The following KIRREL3 variants were observed in gnomAD, a reference collection of about 807,000 sequenced individuals.
The protein encoded by KIRREL3 is kirre like nephrin family adhesion molecule 3.
KIRREL3 carries 36 observed loss-of-function variants against 89.7 expected under a neutral mutation model. That is an observed-to-expected ratio of 0.40 (90% CI 0.31 to 0.53). The LOEUF is 0.53. Ranked by LOEUF, KIRREL3 falls within the 20% of genes least tolerant of loss-of-function variation. KIRREL3 has a pLI of 0.49. For synonymous variants in KIRREL3, 445 were observed against 441.4 expected (o/e 1.01, Z -0.10); for missense variants, 864 against 1,056.6 (o/e 0.82, Z 2.53).
In KIRREL3 at chr11:126,983,924, C is replaced by A. The variant is rs1949782561; in HGVS notation, c.55+16531G>T. Among the ~76,000 whole-genome samples the A allele has an allele frequency of 6.6e-6, 1 of 152,104 alleles. No homozygotes were observed. The highest frequency in any genetic ancestry group is 1.5e-5 in the Non-Finnish European group (1 of 68,032). On this transcript the variant is annotated intron_variant, in intron 1 of 16. Coordinates refer to ENST00000525144, the MANE Select transcript of KIRREL3 (RefSeq NM_032531.4). The surrounding 1 kb of genome is among the most constrained non-coding windows in gnomAD (Gnocchi z 4.9). ...ATAATATGATTAACTATTTTTACTT[C>A]TCCCAAAAGTAGTACATATCTAGTA...
In KIRREL3 at chr11:126,601,652, A is replaced by G. The variant is rs1041345375; in HGVS notation, c.56-38740T>C. ...GAGAGAACCAGAGAAAGGAGGCCTC[A>G]CAGTGTCCTGGCCCCCTCTGCCCAC... On this transcript the variant is annotated intron_variant, in intron 1 of 16. Coordinates refer to ENST00000525144, the MANE Select transcript of KIRREL3 (RefSeq NM_032531.4). The surrounding 1 kb of genome is among the most constrained non-coding windows in gnomAD (Gnocchi z 5.8). Among the ~76,000 whole-genome samples the G allele has an allele frequency of 4.6e-5, 7 of 152,248 alleles. No individual in the cohort carries two copies. The highest frequency in any genetic ancestry group is 1.7e-4 in the African/African-American group (7 of 41,546).
At position 126,785,620 on chromosome 11, in the gene KIRREL3, G is replaced by A. The variant is rs377146464; in HGVS notation, c.55+214835C>T. Among the ~76,000 whole-genome samples, 116 of 152,264 alleles carry A rather than the reference G, an allele frequency of 7.6e-4. 1 individual carries two copies. The highest frequency in any genetic ancestry group is 2.6e-3 in the African/African-American group (107 of 41,552). On this transcript the variant is annotated intron_variant, in intron 1 of 16. Coordinates refer to ENST00000525144, the MANE Select transcript of KIRREL3 (RefSeq NM_032531.4). ...AGGCCAGGTGCAGTGGCTCATGCCT[G>A]TAATCCCAGCACTTCGGGAGGCTGA...
chr11:126,984,027 C>T (rs921235800), intron 1 of KIRREL3, among the ~76,000 whole-genome samples: 2 of 152,020 alleles, frequency 1.3e-5, no homozygotes, highest in Non-Finnish European at 2.9e-5. Context: ...GTTAATTCTC[C>T]CCATGAGCCC....
rs938052428 is a variant in KIRREL3 at position 126,814,509 on chromosome 11, G to A, written c.55+185946C>T. ...CATTATTCACAATAGCAAAGACATG[G>A]AATCTACCTAAATGCCCATCAATGA... On this transcript the variant is annotated intron_variant, in intron 1 of 16. Coordinates refer to ENST00000525144, the MANE Select transcript of KIRREL3 (RefSeq NM_032531.4). The surrounding 1 kb of genome is among the most constrained non-coding windows in gnomAD (Gnocchi z 4.4). Among the ~76,000 whole-genome samples the A allele has an allele frequency of 6.6e-6, 1 of 152,160 alleles. No individual in the cohort carries two copies. Among genetic ancestry groups the A allele is most frequent in the Non-Finnish European group, 1.5e-5 (1 of 68,038 alleles).
At chr11:126,529,239 C>T (rs182037701) in intron 2 of KIRREL3, among the ~76,000 whole-genome samples, 34 of 152,064 alleles carry the variant, frequency 2.2e-4, no homozygotes, top group African/African-American at 5.8e-4. Flanking sequence ...AGTTGTGGAC[C>T]GGCTGGAGCC....
intron 1 of KIRREL3, among the ~76,000 whole-genome samples, chr11:126,714,691 A>G (rs1294194525): frequency 1.3e-5 from 2 of 152,132 alleles, no homozygotes; most frequent in African/African-American, 4.8e-5. Context: ...AGTGGTATCT[A>G]CATGATGATG....
intron 1 of KIRREL3, among the ~76,000 whole-genome samples, chr11:126,818,056 G>A (rs958478476): frequency 6.6e-6 from 1 of 152,184 alleles, no homozygotes; most frequent in Non-Finnish European, 1.5e-5. Context: ...ACGTTTCGAG[G>A]ATGCCTCGAC....
chr11:126,792,166 G>T (rs568841799), intron 1 of KIRREL3, among the ~76,000 whole-genome samples: 1 of 152,196 alleles, frequency 6.6e-6, no homozygotes, highest in South Asian at 2.1e-4. Flanking sequence ...TCAGATCCCT[G>T]TTCTGTCACT....
At chr11:126,538,591 C>A (rs1034014529) in intron 2 of KIRREL3, among the ~76,000 whole-genome samples, 3 of 150,988 alleles carry the variant, frequency 2.0e-5, no homozygotes, top group Admixed American at 2.0e-4. Flanking sequence ...TCCAGAATGC[C>A]CAGTTGGTGA....
intron 1 of KIRREL3, among the ~76,000 whole-genome samples, chr11:126,798,065 G>A (rs1950868846): frequency 6.6e-6 from 1 of 152,244 alleles, no homozygotes; most frequent in Middle Eastern, 3.4e-3. Context: ...CTGTGGAAGT[G>A]ATGGCTCATT....
chr11:126,510,463 T>A (rs1436201197), intron 4 of KIRREL3, among the ~76,000 whole-genome samples: 3 of 150,278 alleles, frequency 2.0e-5, no homozygotes, highest in Non-Finnish European at 3.0e-5. Flanking sequence ...CTTCCTTCCT[T>A]CCTTCCTTTT....
rs1947641535 is a variant in KIRREL3 at position 126,708,763 on chromosome 11, G to A, written c.56-145851C>T. 1.3e-5 allele frequency among the ~76,000 whole-genome samples: 2 copies of A among 152,314 alleles called. No individual in the cohort carries two copies. Among genetic ancestry groups the A allele is most frequent in the African/African-American group, 4.8e-5 (2 of 41,572 alleles). The stretch of plus-strand genomic sequence containing the variant: ...AGCATGATCTCTGAGGAGTTCACTA[G>A]CTTTCCTCCCTCCGCTCTCCAGCTC... On this transcript the variant is annotated intron_variant, in intron 1 of 16. Transcript: ENST00000525144. The surrounding 1 kb of genome is among the most constrained non-coding windows in gnomAD (Gnocchi z 5.7).
Position 126,656,731 on chromosome 11 carries a change from T to C in KIRREL3, c.56-93819A>G, listed in dbSNP as rs552609529. Reference sequence around the variant, plus strand: ...TGATGACTTTTAAGCTTTGACATCATGTACTCATAACCTATCTCTTATGAA... The same window carrying C: ...TGATGACTTTTAAGCTTTGACATCACGTACTCATAACCTATCTCTTATGAA... On this transcript the variant is annotated intron_variant, in intron 1 of 16. Transcript: ENST00000525144. This position sits in a 1 kb window ranked among gnomAD's most constrained non-coding sequence, Gnocchi z 4.0. 3.3e-5 allele frequency among the ~76,000 whole-genome samples: 5 copies of C among 152,352 alleles called. No individual in the cohort carries two copies. In the South Asian group the frequency reaches 1.0e-3, roughly 32 times the overall value.
intron 1 of KIRREL3, among the ~76,000 whole-genome samples, chr11:126,851,836 A>G (rs1277872320): frequency 2.0e-5 from 3 of 152,140 alleles, no homozygotes; most frequent in African/African-American, 7.2e-5. Flanking sequence ...GGAGGCCATC[A>G]AAGTCTACAT....
rs1951493355 is a variant in KIRREL3 at position 126,814,453 on chromosome 11, A to G, written c.55+186002T>C. 6.6e-6 allele frequency among the ~76,000 whole-genome samples: 1 copy of G among 152,248 alleles called. No individual in the cohort carries two copies. The highest frequency in any genetic ancestry group is 2.1e-4 in the South Asian group (1 of 4,836). On this transcript the variant is annotated intron_variant, in intron 1 of 16. Coordinates refer to ENST00000525144, the MANE Select transcript of KIRREL3 (RefSeq NM_032531.4). This position sits in a 1 kb window ranked among gnomAD's most constrained non-coding sequence, Gnocchi z 4.4. Reference sequence around the variant, plus strand: ...AAGGAATATAAATCATTGTATTATAAAGATACATGCACTACATATGTTCAT... The same window carrying G: ...AAGGAATATAAATCATTGTATTATAGAGATACATGCACTACATATGTTCAT...
rs1406214132 is a variant in KIRREL3, at chr11:126,685,922, C to T, written c.56-123010G>A. Among the ~76,000 whole-genome samples, 1 of 152,228 alleles carries T rather than the reference C, an allele frequency of 6.6e-6. No homozygotes were observed. Among genetic ancestry groups the T allele is most frequent in the East Asian group, 1.9e-4 (1 of 5,194 alleles). ...CGTGGCATCCTGTGCCTGCTCAATGCTGAATCTGCTTCCCATGTGCACAGC... is the reference window on the plus strand; with the variant it reads ...CGTGGCATCCTGTGCCTGCTCAATGTTGAATCTGCTTCCCATGTGCACAGC... On this transcript the variant is annotated intron_variant, in intron 1 of 16. Coordinates refer to ENST00000525144, the MANE Select transcript of KIRREL3 (RefSeq NM_032531.4). The surrounding 1 kb of genome is among the most constrained non-coding windows in gnomAD (Gnocchi z 5.5).
Position 126,531,832 on chromosome 11 carries a change from A to C in KIRREL3, c.134-5145T>G, listed in dbSNP as rs1176490210. Among the ~76,000 whole-genome samples, 10 of 152,176 alleles carry C rather than the reference A, an allele frequency of 6.6e-5. No individual in the cohort carries two copies. Among genetic ancestry groups the C allele is most frequent in the Admixed American group, 6.5e-4 (10 of 15,280 alleles). ...GCTATCTTTTCTGTCTTGTGTTCCC[A>C]GCTGTGGGTGAGCACCGGTTACACG... On this transcript the variant is annotated intron_variant, in intron 2 of 16. Coordinates refer to ENST00000525144, the MANE Select transcript of KIRREL3 (RefSeq NM_032531.4). This position sits in a 1 kb window ranked among gnomAD's most constrained non-coding sequence, Gnocchi z 4.7.
chr11:126,867,813 T>C lies in KIRREL3; in HGVS notation c.55+132642A>G. Among the ~76,000 whole-genome samples the C allele has an allele frequency of 6.6e-6, 1 of 152,196 alleles. No homozygotes were observed. Among genetic ancestry groups the C allele is most frequent in the Non-Finnish European group, 1.5e-5 (1 of 68,042 alleles). The stretch of plus-strand genomic sequence containing the variant: ...TTACTGCCGCTCAGTCCAGTATGAC[T>C]TCTAAGGTAATTGATTTTTAGGTTT... On this transcript the variant is annotated intron_variant, in intron 1 of 16. Transcript: ENST00000525144. The surrounding 1 kb of genome is among the most constrained non-coding windows in gnomAD (Gnocchi z 4.7).
intron 1 of KIRREL3, among the ~76,000 whole-genome samples, chr11:126,894,891 A>G (rs1946088238): frequency 6.6e-6 from 1 of 152,218 alleles, no homozygotes; most frequent in African/African-American, 2.4e-5. Flanking sequence ...AGGGATGACC[A>G]GAAATGACTA....
Sources: gnomAD v4.1 joint callset for allele counts (sites outside exome capture counted in the v4.1 genomes callset) on GRCh38, gnomAD v4.1.1 for gene constraint, Gnocchi (gnomAD v3.1) non-coding constraint, MANE v1.5 for transcripts, NCBI Gene and HGNC (gene_info 2026-07-23, HGNC 2026-07-21) for gene names.